KIF16B: variants seen among roughly 807,000 people sequenced by gnomAD.
The protein encoded by KIF16B is kinesin-like protein KIF16B.
KIF16B carries 98 observed loss-of-function variants against 156.3 expected under a neutral mutation model. That is an observed-to-expected ratio of 0.63 (90% CI 0.53 to 0.74). The LOEUF is 0.74. Ranked by LOEUF, KIF16B falls within the 30% of genes least tolerant of loss-of-function variation. The pLI, the probability that KIF16B is intolerant of heterozygous loss-of-function variation, is 0.00. For synonymous variants in KIF16B, 564 were observed against 583.7 expected (o/e 0.97, Z 0.49); for missense variants, 1,421 against 1,606.5 (o/e 0.88, Z 1.97).
intron 3 of KIF16B, among the ~76,000 whole-genome samples, chr20:16,515,898 C>T (rs766583154): frequency 1.5e-4 from 23 of 152,002 alleles, no homozygotes; most frequent in Non-Finnish European, 2.5e-4. Flanking sequence ...CTTAAGTTTA[C>T]CAAAAAATAT....
At chr20:16,378,746 G>GA (rs546851678) in intron 19 of KIF16B, 59 bp downstream of exon 19, 256 of 1,454,856 alleles carry the variant, frequency 1.8e-4, no homozygotes, top group Admixed American at 2.3e-4. Flanking sequence ...CATGAGGAGT[G>GA]AAAAATGAGC....
intron 23 of KIF16B, among the ~76,000 whole-genome samples, chr20:16,349,288 C>T (rs1476174033): frequency 6.6e-6 from 1 of 152,220 alleles, no homozygotes; most frequent in Admixed American, 6.5e-5. Flanking sequence ...GTGCCACCTA[C>T]CCCTCCTTCC....
At chr20:16,309,581 T>G in intron 25 of KIF16B, among the ~76,000 whole-genome samples, 1 of 152,220 alleles carries the variant, frequency 6.6e-6, no homozygotes. Flanking sequence ...TGAAAACATT[T>G]TACACTTTTT....
At chr20:16,306,515 A>T (rs2063542559) in intron 25 of KIF16B, among the ~76,000 whole-genome samples, 1 of 152,214 alleles carries the variant, frequency 6.6e-6, no homozygotes, top group Admixed American at 6.5e-5. Context: ...AGGTTGAAAG[A>T]CAGACTGGTA....
intron 25 of KIF16B, among the ~76,000 whole-genome samples, chr20:16,287,666 G>A (rs6043856): frequency 0.4 from 61,502 of 152,088 alleles, 12,473 homozygotes; most frequent in Non-Finnish European, 0.43. Flanking sequence ...GTGATATTCA[G>A]TTTTTACAGG....
At chr20:16,433,439 T>C (rs1158991934) in intron 12 of KIF16B, among the ~76,000 whole-genome samples, 1 of 152,028 alleles carries the variant, frequency 6.6e-6, no homozygotes, top group Non-Finnish European at 1.5e-5. Flanking sequence ...CCCAGTTTCG[T>C]TTACTATTCT....
Position 16,278,851 on chromosome 20 carries a change from G to T in KIF16B, c.3796-5440C>A, listed in dbSNP as rs73251209. Among the ~76,000 whole-genome samples, 830 of 152,254 alleles carry T rather than the reference G, an allele frequency of 5.5e-3. 9 individuals are homozygous for T. The highest frequency in any genetic ancestry group is 0.018 in the African/African-American group (762 of 41,534). On this transcript the variant is annotated intron_variant, in intron 25 of 25. Transcript: ENST00000354981. ...CAGGTCCCCTCTGCTGAGCCACACG[G>T]TCTCTCACCGGGCAAGTCTGTCTAC...
intron 17 of KIF16B, among the ~76,000 whole-genome samples, chr20:16,398,978 C>T (rs1318950773): frequency 6.6e-5 from 10 of 152,112 alleles, no homozygotes; most frequent in Admixed American, 6.5e-4. Flanking sequence ...CTTTGTATTA[C>T]ACAACAATTA....
intron 12 of KIF16B, among the ~76,000 whole-genome samples, chr20:16,493,699 T>C (rs1233262440): frequency 2.0e-5 from 3 of 152,064 alleles, no homozygotes; most frequent in Admixed American, 2.0e-4. Context: ...CAGCAAAAAA[T>C]GAGAACAAAA....
chr20:16,525,977 T>C, intron 3 of KIF16B, 115 bp downstream of exon 3: 1 of 579,036 alleles, frequency 1.7e-6, no homozygotes. Context: ...GCTAATTTTA[T>C]ACAAAAATTA....
intron 1 of KIF16B, among the ~76,000 whole-genome samples, chr20:16,528,733 G>A (rs183104383): frequency 8.3e-4 from 126 of 152,146 alleles, no homozygotes; most frequent in African/African-American, 2.8e-3. Flanking sequence ...ACACCACAAA[G>A]AGCTAAGACT....
At chr20:16,378,516 A>G (rs185867276) in intron 19 of KIF16B, among the ~76,000 whole-genome samples, 439 of 152,286 alleles carry the variant, frequency 2.9e-3, no homozygotes, top group African/African-American at 9.8e-3. Context: ...ATATTAAAAC[A>G]CGCACATTCC....
intron 1 of KIF16B, among the ~76,000 whole-genome samples, chr20:16,565,325 C>T (rs1227557247): frequency 6.6e-6 from 1 of 152,168 alleles, no homozygotes; most frequent in Non-Finnish European, 1.5e-5. Flanking sequence ...GACATCATCA[C>T]ACACCATGTA....
At chr20:16,385,132 G>C in intron 17 of KIF16B, among the ~76,000 whole-genome samples, 1 of 151,928 alleles carries the variant, frequency 6.6e-6, no homozygotes, top group Non-Finnish European at 1.5e-5. Flanking sequence ...AGGAGGTGGA[G>C]GTTGCAGTGA....
At chr20:16,409,815 TG>T (rs973571495) in intron 15 of KIF16B, among the ~76,000 whole-genome samples, 10 of 150,584 alleles carry the variant, frequency 6.6e-5, no homozygotes, top group African/African-American at 1.5e-4. Flanking sequence ...AGGACCAAGA[TG>T]GGGTGGGGAA....
At chr20:16,493,323 G>A (rs1461072857) in intron 12 of KIF16B, among the ~76,000 whole-genome samples, 4 of 152,150 alleles carry the variant, frequency 2.6e-5, no homozygotes, top group Admixed American at 6.5e-5. Flanking sequence ...ATAATGCTGA[G>A]CCTGCATTCT....
chr20:16,440,545 A>ATG (rs2066768778), intron 12 of KIF16B, among the ~76,000 whole-genome samples: 6 of 84,040 alleles, frequency 7.1e-5, no homozygotes, highest in African/African-American at 3.4e-4. Flanking sequence ...ACACACACAC[A>ATG]CACACACACA....
chr20:16,367,194 A>T, intron 22 of KIF16B: 1 of 1,611,378 alleles, frequency 6.2e-7, no homozygotes, highest in Non-Finnish European at 8.5e-7. Context: ...CATCTTGAGA[A>T]TTGAAAGTAA....
At position 16,379,176 on chromosome 20, in the gene KIF16B, AAG is replaced by A; in HGVS notation, c.2824_2825del (p.Tyr943SerfsTer31). ...DRGPLSLDNT[L>X]YQVEKEMEEK... Reference sequence around the variant, plus strand: ...CTTCCATTTCCTTTTCTACTTGATAAAGAGTGTTGTCTAAGCTGAGAGGGCCT... The same window carrying A: ...CTTCCATTTCCTTTTCTACTTGATAAAGTGTTGTCTAAGCTGAGAGGGCCT... On this transcript the variant is annotated frameshift_variant, in exon 19 of 26. Transcript: ENST00000354981. LOFTEE classifies it high-confidence loss of function. 3 of 1,614,148 alleles carry A rather than the reference AAG, an allele frequency of 1.9e-6. No homozygotes were observed. The highest frequency in any genetic ancestry group is 1.7e-6 in the Non-Finnish European group (2 of 1,180,022).
Sources: gnomAD v4.1 joint callset for allele counts (sites outside exome capture counted in the v4.1 genomes callset) on GRCh38, gnomAD v4.1.1 for gene constraint, MANE v1.5 for transcripts, NCBI Gene and HGNC (gene_info 2026-07-23, HGNC 2026-07-21) for gene names.